The following KRT82 variants were observed in gnomAD, a reference collection of about 807,000 sequenced individuals.
KRT82 encodes keratin 82.
In KRT82, 44 loss-of-function variants were observed where a neutral mutation model predicts 48.0. That is an observed-to-expected ratio of 0.92 (90% CI 0.72 to 1.18). The LOEUF (loss-of-function observed/expected upper bound fraction) is 1.18, where lower values mean the gene tolerates loss of function less well. Among genes scored for constraint, KRT82 ranks in the 50% most tolerant of loss-of-function variants. The pLI is 0.00. For synonymous variants in KRT82, 297 were observed against 278.3 expected, an observed-to-expected ratio of 1.07 and a Z score of -0.67; for missense variants, 701 against 671.4, an observed-to-expected ratio of 1.04 and a Z score of -0.49.
At chr12:52,405,364 C>T (rs1379603294) in intron 1 of KRT82, among the ~76,000 whole-genome samples, 2 of 152,166 alleles carry the variant, frequency 1.3e-5, no homozygotes, top group East Asian at 1.9e-4. Flanking sequence ...CTTTTGTGAC[C>T]GTCACCCTGT....
chr12:52,395,090 C>A lies in KRT82; in HGVS notation c.1427G>T (p.Gly476Val). ...GCAGGGGACATAGAGTTCACCAGTG[C>A]CCACGATGCTGCAGCCCCCATTGCT... ...LRSNGGCSIV[G>V]TGELYVPCEP... Residue 476 changes from glycine (G) to valine (V), a missense_variant, in exon 9 of 9, where the codon GGC becomes GTC. Physicochemically the swap from Gly to Val is moderately radical, Grantham distance 109. Coordinates refer to ENST00000257974, the MANE Select transcript of KRT82 (RefSeq NM_033033.4). 1 of 1,614,074 alleles carries A rather than the reference C, an allele frequency of 6.2e-7. No individual in the cohort carries two copies. Among genetic ancestry groups the A allele is most frequent in the Non-Finnish European group, 8.5e-7 (1 of 1,180,002 alleles).
At chr12:52,396,312 G>A (rs1404065205) in intron 6 of KRT82, 80 bp from the exon 7 acceptor site, 3 of 1,347,382 alleles carry the variant, frequency 2.2e-6, no homozygotes, top group Admixed American at 4.3e-5. Context: ...AGAGAACACG[G>A]GGGTGGCTAC....
In KRT82 at chr12:52,406,304, G is replaced by C. The variant is rs917196621; in HGVS notation, c.-27C>G. On this transcript the variant is annotated 5_prime_UTR_variant, in exon 1 of 9. Transcript: ENST00000257974. ...GCAGGAGAGAGAGGCAGAGAAATGC[G>C]GCCCTGGAGGAAAGAACCGGGGCAG... is the stretch of plus-strand genomic sequence containing the variant. 6.5e-7 allele frequency: 1 copy of C among 1,540,672 alleles called. No individual in the cohort carries two copies. The highest frequency in any genetic ancestry group is 8.7e-7 in the Non-Finnish European group (1 of 1,145,088).
intron 5 of KRT82, among the ~76,000 whole-genome samples, chr12:52,398,948 C>A (rs1045006481): frequency 1.3e-5 from 2 of 152,194 alleles, no homozygotes; most frequent in Non-Finnish European, 2.9e-5. Context: ...CTCAGCCTGG[C>A]ACACCCTCCC....
At position 52,403,756 on chromosome 12, in the gene KRT82, T is replaced by TCACGCGGTCCCCGGA; in HGVS notation, c.550_564dup (p.Ser184_Val188dup). ...AGGCTGCAGAGCTCTGACTCTAGCC[T>TCACGCGGTCCCCGGA]CACGCGGTCCCCGGACACACAGTCC... On this transcript the variant is annotated inframe_insertion, in exon 2 of 9. Coordinates refer to ENST00000257974, the MANE Select transcript of KRT82 (RefSeq NM_033033.4). The TCACGCGGTCCCCGGA allele has an allele frequency of 1.9e-6, 3 of 1,613,468 alleles. No homozygotes were observed. Among genetic ancestry groups the TCACGCGGTCCCCGGA allele is most frequent in the Non-Finnish European group, 2.5e-6 (3 of 1,179,992 alleles).
chr12:52,396,235 G>A lies in KRT82; in HGVS notation c.1069-3C>T. ...ATGGCACCCTCAAGTTTGCAGCGCT[G>A]TGGGAGGGGCGCAGAAAAGCATCAC... is the stretch of plus-strand genomic sequence containing the variant. On this transcript the variant is annotated splice_polypyrimidine_tract_variant and splice_region_variant and intron_variant, in intron 6 of 8. Transcript: ENST00000257974. The A allele has an allele frequency of 6.2e-7, 1 of 1,610,362 alleles. No individual in the cohort carries two copies. Among genetic ancestry groups the A allele is most frequent in the Non-Finnish European group, 8.5e-7 (1 of 1,179,286 alleles).
intron 5 of KRT82, among the ~76,000 whole-genome samples, chr12:52,399,652 G>T (rs1298098993): frequency 1.3e-5 from 2 of 152,178 alleles, no homozygotes; most frequent in African/African-American, 2.4e-5. Flanking sequence ...CATCATTACA[G>T]TTCAGTAAAA....
chr12:52,406,304 G>A lies in KRT82; in HGVS notation c.-27C>T, dbSNP rs917196621. ...GCAGGAGAGAGAGGCAGAGAAATGC[G>A]GCCCTGGAGGAAAGAACCGGGGCAG... On this transcript the variant is annotated 5_prime_UTR_variant, in exon 1 of 9. Coordinates refer to ENST00000257974, the MANE Select transcript of KRT82 (RefSeq NM_033033.4). The A allele has an allele frequency of 2.3e-5, 35 of 1,540,554 alleles. 1 individual carries two copies. In the Admixed American group the frequency reaches 3.4e-4, roughly 15 times the overall value.
In KRT82 at chr12:52,397,056, T is replaced by A. The variant is rs922861039; in HGVS notation, c.943-48A>T. ...GCCCCAGGCCCCACAAGATGGCATCTCCTAGCCTCTTTTCTCACTGTTCCC... is the reference window on the plus strand; with the variant it reads ...GCCCCAGGCCCCACAAGATGGCATCACCTAGCCTCTTTTCTCACTGTTCCC... On this transcript the variant is annotated intron_variant, in intron 5 of 8. Transcript: ENST00000257974. The A allele has an allele frequency of 6.2e-6, 10 of 1,600,288 alleles. No homozygotes were observed. In the African/African-American group the frequency reaches 1.2e-4, roughly 19 times the overall value.
intron 2 of KRT82, among the ~76,000 whole-genome samples, chr12:52,403,403 G>A (rs1266784119): frequency 6.6e-6 from 1 of 152,208 alleles, no homozygotes; most frequent in Admixed American, 6.5e-5. Flanking sequence ...ACAACAGGCA[G>A]TTTCAGCTGG....
chr12:52,405,778 G>A (rs374016625), intron 1 of KRT82, 89 bp downstream of exon 1: 5 of 1,372,026 alleles, frequency 3.6e-6, no homozygotes, highest in African/African-American at 1.4e-5. Flanking sequence ...CTCAATGTCA[G>A]TCTCCTCCTG....
chr12:52,395,082 C>T lies in KRT82; in HGVS notation c.1435G>A (p.Glu479Lys), dbSNP rs1256491268. 2 of 1,614,074 alleles carry T rather than the reference C, an allele frequency of 1.2e-6. No individual in the cohort carries two copies. Among genetic ancestry groups the T allele is most frequent in the Non-Finnish European group, 1.7e-6 (2 of 1,180,000 alleles). ...TGGGGCTCGCAGGGGACATAGAGTTCACCAGTGCCCACGATGCTGCAGCCC... is the reference window on the plus strand; with the variant it reads ...TGGGGCTCGCAGGGGACATAGAGTTTACCAGTGCCCACGATGCTGCAGCCC... Reference protein sequence around the residue: ...NGGCSIVGTGELYVPCEPQGL... With the variant: ...NGGCSIVGTGKLYVPCEPQGL... Residue 479 changes from glutamate (E) to lysine (K), a missense_variant, in exon 9 of 9, where the codon GAA becomes AAA. Transcript: ENST00000257974.
chr12:52,401,226 C>T (rs539837979), intron 3 of KRT82, 63 bp downstream of exon 3: 33 of 1,408,264 alleles, frequency 2.3e-5, no homozygotes, highest in African/African-American at 4.2e-5. Context: ...GAGTTCAGGG[C>T]TAGGTGGCCT....
In KRT82 at chr12:52,406,062, T is replaced by TCCACACCTGGAGGCTACCC. The variant is rs1565784358; in HGVS notation, c.197_215dup (p.Thr74SerfsTer32). On this transcript the variant is annotated frameshift_variant, in exon 1 of 9. Coordinates refer to ENST00000257974, the MANE Select transcript of KRT82 (RefSeq NM_033033.4). LOFTEE classifies it high-confidence loss of function. Reference sequence around the variant, plus strand: ...GGTACCCGAAGCCAGGCAGGGTACCTCCACACCTGGAGGCTACCCGGGGCC... The same window carrying TCCACACCTGGAGGCTACCC: ...GGTACCCGAAGCCAGGCAGGGTACCTCCACACCTGGAGGCTACCCCCACACCTGGAGGCTACCCGGGGCC... 1 of 1,614,006 alleles carries TCCACACCTGGAGGCTACCC rather than the reference T, an allele frequency of 6.2e-7. No individual in the cohort carries two copies. The highest frequency in any genetic ancestry group is 2.2e-5 in the East Asian group (1 of 44,874).
intron 5 of KRT82, among the ~76,000 whole-genome samples, chr12:52,399,699 C>T (rs73097118): frequency 0.01 from 1,584 of 152,344 alleles, 14 homozygotes; most frequent in Admixed American, 0.016. Context: ...TACAGGAGCA[C>T]TTCCAGTGAG....
At chr12:52,405,126 T>C (rs545406794) in intron 1 of KRT82, among the ~76,000 whole-genome samples, 4 of 152,276 alleles carry the variant, frequency 2.6e-5, no homozygotes, top group East Asian at 1.9e-4. Context: ...GCATGCCACA[T>C]CTTTTCCTGC....
Position 52,406,074 on chromosome 12 carries a change from G to A in KRT82, c.204C>T (p.Ala68=). The change falls in exon 1 of 9, where the codon GCC becomes GCT. Residue 68 remains alanine (A), a synonymous_variant. Transcript: ENST00000257974. The part of the protein sequence containing the change: ...CNVGFGRPRV[A]SRCGGTLPGF... The stretch of plus-strand genomic sequence containing the variant: ...CAGGCAGGGTACCTCCACACCTGGA[G>A]GCTACCCGGGGCCTCCCAAAGCCCA... 4 of 1,613,770 alleles carry A rather than the reference G, an allele frequency of 2.5e-6. No homozygotes were observed. Among genetic ancestry groups the A allele is most frequent in the Non-Finnish European group, 3.4e-6 (4 of 1,179,916 alleles).
intron 5 of KRT82, among the ~76,000 whole-genome samples, chr12:52,397,229 C>T (rs375196471): frequency 6.6e-5 from 10 of 152,306 alleles, no homozygotes; most frequent in African/African-American, 2.4e-4. Context: ...CAGCTCCAGG[C>T]TTGTTAGATT....
In KRT82 at chr12:52,395,107, C is replaced by G; in HGVS notation, c.1410G>C (p.Gly470=). Residue 470 remains glycine (G), a synonymous_variant, in exon 9 of 9, where the codon GGG becomes GGC. Coordinates refer to ENST00000257974, the MANE Select transcript of KRT82 (RefSeq NM_033033.4). Reference sequence around the variant, plus strand: ...CACCAGTGCCCACGATGCTGCAGCCCCCATTGCTCCTGAGGACGCCAGTGC... The same window carrying G: ...CACCAGTGCCCACGATGCTGCAGCCGCCATTGCTCCTGAGGACGCCAGTGC... ...VLSTGVLRSN[G]GCSIVGTGEL... 1 of 1,614,084 alleles carries G rather than the reference C, an allele frequency of 6.2e-7. No individual in the cohort carries two copies. The highest frequency in any genetic ancestry group is 1.3e-5 in the African/African-American group (1 of 75,024).
Sources: allele counts gnomAD v4.1 joint callset (sites outside exome capture counted in the v4.1 genomes callset), GRCh38; gene constraint gnomAD v4.1.1; transcripts MANE v1.5; gene names NCBI Gene and HGNC (gene_info 2026-07-23, HGNC 2026-07-21).